Variants in SH3GL1 observed in about 807,000 individuals in gnomAD.
The protein encoded by SH3GL1 is endophilin-A2.
In SH3GL1, 21 loss-of-function variants were observed where a neutral mutation model predicts 48.8. The ratio of observed to expected loss-of-function variants is 0.43; its 90% confidence interval spans 0.30 to 0.62. The LOEUF (loss-of-function observed/expected upper bound fraction) is 0.62. Ranked by LOEUF, SH3GL1 falls within the 20% of genes least tolerant of loss-of-function variation. SH3GL1 has a pLI of 0.11. For synonymous variants in SH3GL1, 282 were observed against 217.5 expected, an observed-to-expected ratio of 1.30 and a Z score of -2.61; for missense variants, 454 against 503.0, an observed-to-expected ratio of 0.90 and a Z score of 0.93.
At chr19:4,396,580 C>A (rs2050874336) in intron 1 of SH3GL1, among the ~76,000 whole-genome samples, 2 of 152,128 alleles carry the variant, frequency 1.3e-5, no homozygotes, top group Admixed American at 1.3e-4. Flanking sequence ...GCCACCACAC[C>A]TGGCCAAACT....
intron 1 of SH3GL1, among the ~76,000 whole-genome samples, chr19:4,377,426 C>A (rs1973031426): frequency 6.6e-6 from 1 of 152,264 alleles, no homozygotes; most frequent in Admixed American, 6.5e-5. Flanking sequence ...CTATCTGGCA[C>A]ACTTACACAG....
intron 1 of SH3GL1, among the ~76,000 whole-genome samples, chr19:4,379,356 G>T (rs984625736): frequency 6.6e-6 from 1 of 151,764 alleles, no homozygotes; most frequent in African/African-American, 2.4e-5. Flanking sequence ...AACCCAGCAG[G>T]TGGGGGTTGC....
In SH3GL1 at chr19:4,376,634, GC is replaced by G. The variant is rs1051376342; in HGVS notation, c.46-9641del. Among the ~76,000 whole-genome samples the G allele has an allele frequency of 4.0e-5, 6 of 151,520 alleles. No homozygotes were observed. The highest frequency in any genetic ancestry group is 3.4e-3 in the Middle Eastern group (1 of 294). ...TCTTACACCCCCATCTGCCTGGGCG[GC>G]CCCCCCATCTCCCCTCAGAGCTTTT... On this transcript the variant is annotated intron_variant, in intron 1 of 9. Coordinates refer to ENST00000269886, the MANE Select transcript of SH3GL1 (RefSeq NM_003025.4). The surrounding 1 kb of genome is among the most constrained non-coding windows in gnomAD (Gnocchi z 4.3).
rs773452016 is a variant in SH3GL1 at position 4,361,266 on chromosome 19, A to G, written c.*334T>C. 6.8e-5 allele frequency: 27 copies of G among 395,910 alleles called. No homozygotes were observed. In the South Asian group the frequency reaches 8.1e-4, roughly 12 times the overall value. The allele number at this position is 395,910 out of a possible 1,614,324, so 24.5% of individuals were successfully genotyped here. Reference sequence around the variant, plus strand: ...GAGGTGGGGGCTGCCCCAGAGGAACATTAGTGTTTCTAAGAGCACCTTAGT... The same window carrying G: ...GAGGTGGGGGCTGCCCCAGAGGAACGTTAGTGTTTCTAAGAGCACCTTAGT... On this transcript the variant is annotated 3_prime_UTR_variant, in exon 10 of 10. Transcript: ENST00000269886.
chr19:4,363,453 G>A lies in SH3GL1; in HGVS notation c.645C>T (p.Leu215=). The A allele has an allele frequency of 6.2e-7, 1 of 1,612,770 alleles. No individual in the cohort carries two copies. Among genetic ancestry groups the A allele is most frequent in the Non-Finnish European group, 8.5e-7 (1 of 1,179,702 alleles). ...CCAGCTGTGCATCCACCAGGGCCGA[G>A]AGCTGACTCACCTGCTCGATCTGTG... is the stretch of plus-strand genomic sequence containing the variant. The part of the protein sequence containing the change: ...LETDIEQVSQ[L]SALVDAQLDY... Residue 215 remains leucine (L), a synonymous_variant, in exon 7 of 10, where the codon CTC becomes CTT. Transcript: ENST00000269886.
chr19:4,364,255 G>A (rs373723382), intron 4 of SH3GL1, 34 bp from the exon 5 acceptor site: 155 of 1,613,384 alleles, frequency 9.6e-5, no homozygotes, highest in East Asian at 6.5e-4. Context: ...CCATCATACC[G>A]GGCCTGGGAC....
At position 4,369,546 on chromosome 19, in the gene SH3GL1, G is replaced by A. The variant is rs1404434369; in HGVS notation, c.46-2552C>T. On this transcript the variant is annotated intron_variant, in intron 1 of 9. Transcript: ENST00000269886. ...ACAGGGCAGGAGGAGAGGCCCTACC[G>A]GCGAGGACCACATCCTGCCTCTGAG... 3.3e-5 allele frequency among the ~76,000 whole-genome samples: 5 copies of A among 152,280 alleles called. 1 individual carries two copies. The East Asian group carries it at 9.7e-4, about 29-fold the overall frequency.
intron 1 of SH3GL1, among the ~76,000 whole-genome samples, chr19:4,368,334 CCCAAGAGCAGGAAGT>C (rs901907449): frequency 1.3e-5 from 2 of 152,166 alleles, no homozygotes; most frequent in Non-Finnish European, 2.9e-5. Flanking sequence ...GAGGAAGTGA[CCCAAGAGCAGGAAGT>C]GCGGGGGCAG....
chr19:4,375,365 C>A (rs1306542968), intron 1 of SH3GL1, among the ~76,000 whole-genome samples: 2 of 152,244 alleles, frequency 1.3e-5, no homozygotes, highest in African/African-American at 4.8e-5. Context: ...GGGATCCCCA[C>A]TGCAGGCCCC....
chr19:4,395,884 C>T (rs1293321753), intron 1 of SH3GL1: 1 of 151,884 alleles, frequency 6.6e-6, no homozygotes, highest in Non-Finnish European at 1.5e-5. Context: ...GCACTCCAGC[C>T]TGGGTGACAG....
chr19:4,366,844 GGTT>G, intron 2 of SH3GL1, 79 bp downstream of exon 2: 1 of 1,397,594 alleles, frequency 7.2e-7, no homozygotes, highest in Non-Finnish European at 1.0e-6. Flanking sequence ...GGCCCATCAA[GGTT>G]GGCCGCCTCC....
chr19:4,366,003 C>T (rs948790664), intron 3 of SH3GL1, among the ~76,000 whole-genome samples: 11 of 152,182 alleles, frequency 7.2e-5, no homozygotes, highest in African/African-American at 2.7e-4. Context: ...TTCCGCTGCC[C>T]GCTTGGGTCT....
chr19:4,399,095 G>A (rs971315248), intron 1 of SH3GL1, among the ~76,000 whole-genome samples: 5 of 152,116 alleles, frequency 3.3e-5, no homozygotes, highest in South Asian at 4.1e-4. Flanking sequence ...CGAAGCAGGC[G>A]GATTACTTGA....
At chr19:4,386,076 G>A (rs1310699973) in intron 1 of SH3GL1, among the ~76,000 whole-genome samples, 3 of 152,226 alleles carry the variant, frequency 2.0e-5, no homozygotes, top group Non-Finnish European at 4.4e-5. Context: ...GTGGGTGAAG[G>A]TTGGGAGATG....
intron 8 of SH3GL1, 49 bp from the exon 9 acceptor site, chr19:4,362,434 G>T (rs1972646343): frequency 1.3e-6 from 2 of 1,589,446 alleles, no homozygotes; most frequent in South Asian, 2.3e-5. Context: ...CGGTCGGGCA[G>T]GGCCCCTTCT....
intron 1 of SH3GL1, among the ~76,000 whole-genome samples, chr19:4,394,355 A>G (rs1382946241): frequency 2.0e-5 from 3 of 152,128 alleles, no homozygotes; most frequent in African/African-American, 7.2e-5. Context: ...CTAGCTGCGC[A>G]CGGATGCCAG....
At position 4,389,667 on chromosome 19, in the gene SH3GL1, C is replaced by T. The variant is rs1179523341; in HGVS notation, c.45+10657G>A. 1.3e-5 allele frequency among the ~76,000 whole-genome samples: 2 copies of T among 152,186 alleles called. No homozygotes were observed. The highest frequency in any genetic ancestry group is 2.9e-5 in the Non-Finnish European group (2 of 68,010). ...CACACAAACTCGACACGAGGCCATC[C>T]GCTGTAGGGTGGGGGCCACGGTGGC... On this transcript the variant is annotated intron_variant, in intron 1 of 9. Transcript: ENST00000269886. This position sits in a 1 kb window ranked among gnomAD's most constrained non-coding sequence, Gnocchi z 4.5.
chr19:4,397,348 C>T (rs1973444038), intron 1 of SH3GL1, among the ~76,000 whole-genome samples: 1 of 152,218 alleles, frequency 6.6e-6, no homozygotes, highest in Admixed American at 6.5e-5. Flanking sequence ...GCTAACACCA[C>T]ACTGTCCTTT....
At chr19:4,372,435 G>C (rs1972920596) in intron 1 of SH3GL1, among the ~76,000 whole-genome samples, 1 of 152,220 alleles carries the variant, frequency 6.6e-6, no homozygotes, top group Admixed American at 6.5e-5. Flanking sequence ...GGCAAAGCCA[G>C]GGTAAGGCCT....
Sources: gnomAD v4.1 joint callset for allele counts (sites outside exome capture counted in the v4.1 genomes callset) on GRCh38, gnomAD v4.1.1 for gene constraint, Gnocchi (gnomAD v3.1) non-coding constraint, MANE v1.5 for transcripts, NCBI Gene and HGNC (gene_info 2026-07-23, HGNC 2026-07-21) for gene names.